The following DNAH8 variants were observed in gnomAD, a reference collection of about 807,000 sequenced individuals.
DNAH8 encodes the protein dynein axonemal heavy chain 8, also known as axonemal beta dynein heavy chain 8.
DNAH8 carries 382 observed loss-of-function variants against 562.1 expected under a neutral mutation model. The ratio of observed to expected loss-of-function variants is 0.68; its 90% confidence interval spans 0.63 to 0.74. The LOEUF is 0.74. Ranked by LOEUF, DNAH8 falls within the 30% of genes least tolerant of loss-of-function variation. DNAH8 has a pLI of 0.00. For synonymous variants in DNAH8, 1,881 were observed against 1,919.4 expected, an observed-to-expected ratio of 0.98 and a Z score of 0.52; for missense variants, 5,203 against 5,620.4, an observed-to-expected ratio of 0.93 and a Z score of 2.37.
Position 38,860,536 on chromosome 6 carries a change from A to C in DNAH8, c.6038A>C (p.Gln2013Pro). ...SRFYFKEDLD[Q>P]TVVSITDVDF... The stretch of plus-strand genomic sequence containing the variant: ...TTTTATTTTAAGGAAGATTTGGATC[A>C]AACTGTGGTGTCTATTACAGATGTT... Residue 2013 changes from glutamine (Q) to proline (P), a missense_variant, in exon 43 of 93, where the codon CAA (glutamine) becomes CCA (proline). Gln to Pro is a moderately conservative substitution (Grantham distance 76). Transcript: ENST00000327475. The C allele has an allele frequency of 6.5e-7, 1 of 1,529,682 alleles. No individual in the cohort carries two copies. The highest frequency in any genetic ancestry group is 8.7e-7 in the Non-Finnish European group (1 of 1,146,096). The allele number at this position is 1,529,682 out of a possible 1,614,324, so 94.8% of individuals were successfully genotyped here. A position where few individuals can be genotyped will look rare whatever the true frequency, so the allele number is the denominator to read the frequency against.
chr6:38,906,240 A>G lies in DNAH8; in HGVS notation c.9195-14A>G, dbSNP rs750921317. On this transcript the variant is annotated splice_polypyrimidine_tract_variant and intron_variant, in intron 62 of 92. Coordinates refer to ENST00000327475, the MANE Select transcript of DNAH8 (RefSeq NM_001206927.2). ...ATTTTTTAATCTAAAACTTTCTATC[A>G]TTTTTCTTCTTAGGTCTTACAATGT... 7 of 1,533,344 alleles carry G rather than the reference A, an allele frequency of 4.6e-6. No individual in the cohort carries two copies. In the East Asian group the frequency reaches 1.6e-4, roughly 35 times the overall value. The allele number at this position is 1,533,344 out of a possible 1,614,324, so 95.0% of individuals were successfully genotyped here.
chr6:38,740,549 T>C (rs1764441320), intron 7 of DNAH8, among the ~76,000 whole-genome samples: 2 of 152,218 alleles, frequency 1.3e-5, no homozygotes, highest in African/African-American at 4.8e-5. Context: ...TGTATAGATC[T>C]AGCAACTTTA....
At chr6:38,869,706 C>T (rs1777319024) in intron 48 of DNAH8, among the ~76,000 whole-genome samples, 1 of 152,068 alleles carries the variant, frequency 6.6e-6, no homozygotes, top group Non-Finnish European at 1.5e-5. Context: ...ATAAAATATC[C>T]GTTCTTTAAT....
chr6:38,870,063 A>G (rs1223196324), intron 48 of DNAH8, among the ~76,000 whole-genome samples: 1 of 152,176 alleles, frequency 6.6e-6, no homozygotes, highest in East Asian at 1.9e-4. Context: ...TGTGCAAGGG[A>G]ACTCCCGTTT....
chr6:38,737,690 C>T (rs953593744), intron 6 of DNAH8, 119 bp from the exon 7 acceptor site: 2 of 378,512 alleles, frequency 5.3e-6, no homozygotes, highest in Non-Finnish European at 8.1e-6. Context: ...TACACATTGA[C>T]TTTTAACACA....
At chr6:38,965,385 G>T (rs1762902580) in intron 82 of DNAH8, among the ~76,000 whole-genome samples, 1 of 151,996 alleles carries the variant, frequency 6.6e-6, no homozygotes, top group African/African-American at 2.4e-5. Flanking sequence ...TGAAGGTAAG[G>T]GATTGTGGAT....
chr6:38,841,075 G>T (rs1257559138), intron 33 of DNAH8, among the ~76,000 whole-genome samples: 2 of 152,080 alleles, frequency 1.3e-5, no homozygotes, highest in Non-Finnish European at 2.9e-5. Context: ...AACTAAGATC[G>T]CAGAATGTGT....
intron 37 of DNAH8, among the ~76,000 whole-genome samples, chr6:38,849,595 C>G (rs558778411): frequency 5.5e-4 from 83 of 149,624 alleles, no homozygotes; most frequent in Admixed American, 1.1e-3. Context: ...TGAAAATGGC[C>G]GATTTCCTTT....
intron 53 of DNAH8, among the ~76,000 whole-genome samples, chr6:38,881,547 A>AT (rs1172107323): frequency 4.9e-5 from 6 of 121,280 alleles, no homozygotes; most frequent in Non-Finnish European, 8.6e-5. Context: ...TTTGAAATCA[A>AT]TGTTTTTTTT....
intron 21 of DNAH8, among the ~76,000 whole-genome samples, chr6:38,796,119 T>C (rs1770228895): frequency 1.3e-5 from 2 of 152,166 alleles, no homozygotes; most frequent in Admixed American, 6.5e-5. Context: ...ACTTGCTCTT[T>C]CCTGATTTGC....
intron 77 of DNAH8, among the ~76,000 whole-genome samples, 188 bp downstream of exon 77, chr6:38,935,885 TAG>T (rs1782919269): frequency 6.6e-6 from 1 of 152,166 alleles, no homozygotes; most frequent in Non-Finnish European, 1.5e-5. Context: ...AATTAGCAAA[TAG>T]AGACTGAGCA....
At position 38,791,657 on chromosome 6, in the gene DNAH8, A is replaced by T; in HGVS notation, c.2884A>T (p.Met962Leu). 1.9e-6 allele frequency: 3 copies of T among 1,613,846 alleles called. No homozygotes were observed. The highest frequency in any genetic ancestry group is 3.3e-5 in the Admixed American group (2 of 59,980). ...PESGATKVED[M>L]LTLNETYTKE... ...AAGTGGTGCTACCAAAGTAGAAGAT[A>T]TGTTGACCCTCAATGAGGTATGCAT... Residue 962 changes from methionine (M) to leucine (L), a missense_variant, in exon 21 of 93, where the codon ATG becomes TTG. Coordinates refer to ENST00000327475, the MANE Select transcript of DNAH8 (RefSeq NM_001206927.2).
intron 5 of DNAH8, 141 bp downstream of exon 5, chr6:38,734,766 A>C: frequency 1.1e-6 from 1 of 907,474 alleles, no homozygotes; most frequent in Non-Finnish European, 1.6e-6. Context: ...ATATATTAAA[A>C]AAAACTGAGA....
intron 13 of DNAH8, among the ~76,000 whole-genome samples, chr6:38,777,051 A>G (rs72849190): frequency 0.12 from 18,647 of 152,284 alleles, 1,393 homozygotes; most frequent in Admixed American, 0.22. Flanking sequence ...CCTGGGCAAT[A>G]TAAATACATA....
chr6:38,922,690 T>C (rs931351273), intron 71 of DNAH8, among the ~76,000 whole-genome samples: 2 of 152,324 alleles, frequency 1.3e-5, no homozygotes, highest in East Asian at 3.9e-4. Flanking sequence ...GAAAATACTT[T>C]GTAAATGACA....
chr6:38,990,134 C>A lies in DNAH8; in HGVS notation c.13176C>A (p.Asn4392Lys). Residue 4392 changes from asparagine to lysine, a missense_variant, in exon 88 of 93, where the codon AAC (asparagine) becomes AAA (lysine). By Grantham distance (94) the Asn-to-Lys change is moderately conservative. Transcript: ENST00000327475. ...EYIQSLPSLD[N>K]PEVFGLHPNA... ...TCCAGTCACTGCCATCCCTAGATAA[C>A]CCTGAAGTCTTTGGGCTTCACCCTA... 3.1e-6 allele frequency: 5 copies of A among 1,612,074 alleles called. No individual in the cohort carries two copies. Among genetic ancestry groups the A allele is most frequent in the South Asian group, 1.1e-5 (1 of 90,902 alleles).
intron 80 of DNAH8, among the ~76,000 whole-genome samples, chr6:38,946,651 A>T (rs1355839138): frequency 6.6e-6 from 1 of 152,222 alleles, no homozygotes; most frequent in Admixed American, 6.5e-5. Context: ...TCTACTAAAA[A>T]TACAAAATAT....
chr6:38,730,740 A>T (rs1405134151), intron 4 of DNAH8, among the ~76,000 whole-genome samples: 1 of 152,226 alleles, frequency 6.6e-6, no homozygotes, highest in Non-Finnish European at 1.5e-5. Context: ...GCCTGCTGTC[A>T]TCTGGACACG....
At chr6:38,732,336 A>G (rs780342302) in intron 4 of DNAH8, among the ~76,000 whole-genome samples, 101 of 152,168 alleles carry the variant, frequency 6.6e-4, no homozygotes, top group Non-Finnish European at 1.1e-3. Flanking sequence ...GGGGCCAGGG[A>G]GGCTGAGAGA....
Sources: allele counts gnomAD v4.1 joint callset (sites outside exome capture counted in the v4.1 genomes callset), GRCh38; gene constraint gnomAD v4.1.1; transcripts MANE v1.5; gene names NCBI Gene and HGNC (gene_info 2026-07-23, HGNC 2026-07-21).